SLC30A7: variants seen among roughly 807,000 people sequenced by gnomAD.
SLC30A7 encodes solute carrier family 30 member 7.
In SLC30A7, 35 loss-of-function variants were observed where a neutral mutation model predicts 46.0. That is an observed-to-expected ratio of 0.76 (90% CI 0.58 to 1.01). The LOEUF (loss-of-function observed/expected upper bound fraction) is 1.01. Among genes scored for constraint, SLC30A7 ranks in the 50% least tolerant of loss-of-function variants. The pLI is 0.00. For synonymous variants in SLC30A7, 147 were observed against 157.8 expected (o/e 0.93, Z 0.51); for missense variants, 464 against 451.1 (o/e 1.03, Z -0.26).
Position 100,979,915 on chromosome 1 carries a change from T to G in SLC30A7, c.*5058T>G, listed in dbSNP as rs542146055. ...AGCTGTAGCAGATCTCAATACACTCTCCTATAAAATTAGTGAATAATCACC... is the reference window on the plus strand; with the variant it reads ...AGCTGTAGCAGATCTCAATACACTCGCCTATAAAATTAGTGAATAATCACC... On this transcript the variant is annotated 3_prime_UTR_variant, in exon 11 of 11. Transcript: ENST00000357650. 1 of 152,088 alleles carries G rather than the reference T, an allele frequency of 6.6e-6. No individual in the cohort carries two copies. Among genetic ancestry groups the G allele is most frequent in the Non-Finnish European group, 1.5e-5 (1 of 67,950 alleles). 9.4% of individuals were successfully genotyped at this position (152,088 alleles called of 1,614,324 possible).
At chr1:100,907,928 A>G (rs1187871357) in intron 3 of SLC30A7, among the ~76,000 whole-genome samples, 2 of 149,112 alleles carry the variant, frequency 1.3e-5, no homozygotes, top group Non-Finnish European at 3.0e-5. Context: ...GTCCCCCTAT[A>G]CCTTTCCTGT....
intron 8 of SLC30A7, among the ~76,000 whole-genome samples, chr1:100,956,147 A>G (rs989384761): frequency 5.9e-5 from 9 of 152,132 alleles, no homozygotes; most frequent in Admixed American, 2.6e-4. Flanking sequence ...ATCAGTGATG[A>G]TGTCTTATAA....
Position 100,913,801 on chromosome 1 carries a change from C to G in SLC30A7, c.650C>G (p.Ser217Cys), listed in dbSNP as rs1177678720. 1 of 1,613,688 alleles carries G rather than the reference C, an allele frequency of 6.2e-7. No individual in the cohort carries two copies. Among genetic ancestry groups the G allele is most frequent in the Non-Finnish European group, 8.5e-7 (1 of 1,179,808 alleles). ...DHAHGHGHFH[S>C]HDGPSLKETT... ...GCTCATGGACATGGACACTTTCATTCTCATGGTGAGTACAGCCTAGAGACA... is the reference window on the plus strand; with the variant it reads ...GCTCATGGACATGGACACTTTCATTGTCATGGTGAGTACAGCCTAGAGACA... The change falls in exon 6 of 11, where the codon TCT (serine) becomes TGT (cysteine). Residue 217 changes from serine to cysteine, a missense_variant. Coordinates refer to ENST00000357650, the MANE Select transcript of SLC30A7 (RefSeq NM_133496.5).
In SLC30A7 at chr1:100,963,089, C is replaced by T. The variant is rs909619257; in HGVS notation, c.933+1171C>T. 2.0e-5 allele frequency among the ~76,000 whole-genome samples: 3 copies of T among 152,222 alleles called. No homozygotes were observed. The East Asian group carries it at 5.8e-4, about 29-fold the overall frequency. On this transcript the variant is annotated intron_variant, in intron 9 of 10. Coordinates refer to ENST00000357650, the MANE Select transcript of SLC30A7 (RefSeq NM_133496.5). The stretch of plus-strand genomic sequence containing the variant: ...TACTATACTTCTAGGAGAAATGTTA[C>T]TTAAGTAGTTGGATATGAAAATCTT...
chr1:100,985,715 AAT>A (rs1657226815), downstream of SLC30A7, among the ~76,000 whole-genome samples: 1 of 152,166 alleles, frequency 6.6e-6, no homozygotes, highest in Non-Finnish European at 1.5e-5. Context: ...GAAAAAAAAA[AAT>A]GAGTGTGGAT....
At chr1:100,918,823 AGCTGCCGCCTGCTGTT>A (rs201005607) in intron 7 of SLC30A7, among the ~76,000 whole-genome samples, 2,029 of 152,236 alleles carry the variant, frequency 0.013, 28 homozygotes, top group Middle Eastern at 0.031. Context: ...GCTGACTGGG[AGCTGCCGCCTGCTGTT>A]GCTGCCCAGC....
At chr1:100,966,619 G>A (rs1027445418) in intron 10 of SLC30A7, among the ~76,000 whole-genome samples, 23 of 150,984 alleles carry the variant, frequency 1.5e-4, no homozygotes, top group African/African-American at 5.4e-4. Flanking sequence ...TTTTTTTTCC[G>A]AACACAGACA....
chr1:100,940,886 T>C (rs1297684589), intron 8 of SLC30A7: 2 of 315,458 alleles, frequency 6.3e-6, no homozygotes, highest in Non-Finnish European at 1.2e-5. Context: ...GTCTAAAACA[T>C]GTCTTCTTTG....
At chr1:100,923,536 G>C (rs1653092413) in intron 8 of SLC30A7, among the ~76,000 whole-genome samples, 1 of 152,176 alleles carries the variant, frequency 6.6e-6, no homozygotes, top group South Asian at 2.1e-4. Context: ...CCAGCATTTT[G>C]GGAGGCTGAG....
chr1:100,988,101 A>T, the SLC30A7 span, among the ~76,000 whole-genome samples: 3 of 151,152 alleles, frequency 2.0e-5, no homozygotes, highest in Admixed American at 2.0e-4. Flanking sequence ...GCACGGTTTG[A>T]GAGTTAGCTA....
At chr1:100,990,584 C>T in the SLC30A7 span, 105 of 1,614,002 alleles carry the variant, frequency 6.5e-5, no homozygotes, top group Middle Eastern at 1.6e-4. Flanking sequence ...TTCTGGTCGT[C>T]GGCTCCAACC....
chr1:100,921,910 G>A (rs1315800906), intron 8 of SLC30A7, 69 bp downstream of exon 8: 2 of 1,241,650 alleles, frequency 1.6e-6, no homozygotes, highest in Non-Finnish European at 2.2e-6. Flanking sequence ...TAAATTATAG[G>A]TCTAAAATAC....
intron 8 of SLC30A7, among the ~76,000 whole-genome samples, chr1:100,955,760 C>G (rs1210246438): frequency 1.3e-5 from 2 of 152,100 alleles, no homozygotes; most frequent in Non-Finnish European, 2.9e-5. Flanking sequence ...TTTTAAAAGG[C>G]AAAAACTAGA....
rs561793744 is a variant in SLC30A7 at position 100,908,061 on chromosome 1, C to T, written c.296+1096C>T. 6.6e-5 allele frequency among the ~76,000 whole-genome samples: 10 copies of T among 151,960 alleles called. No individual in the cohort carries two copies. The South Asian group carries it at 2.1e-3, about 32-fold the overall frequency. On this transcript the variant is annotated intron_variant, in intron 3 of 10. Coordinates refer to ENST00000357650, the MANE Select transcript of SLC30A7 (RefSeq NM_133496.5). Reference sequence around the variant, plus strand: ...TCTATTTCTTTTTTGTCTCCCTTTCCAAGTCTCTCTTTCCTTCCTTCACTG... The same window carrying T: ...TCTATTTCTTTTTTGTCTCCCTTTCTAAGTCTCTCTTTCCTTCCTTCACTG...
intron 8 of SLC30A7, among the ~76,000 whole-genome samples, chr1:100,956,816 C>T (rs1191013881): frequency 1.3e-5 from 2 of 152,068 alleles, no homozygotes; most frequent in African/African-American, 4.8e-5. Flanking sequence ...TATCAACATA[C>T]CAATTAAGAA....
chr1:100,915,154 CCTTCCTCA>C (rs1652404110), intron 6 of SLC30A7, among the ~76,000 whole-genome samples: 1 of 151,360 alleles, frequency 6.6e-6, no homozygotes, highest in South Asian at 2.1e-4. Flanking sequence ...TCCCTCCCTC[CCTTCCTCA>C]CTTCTTTTCT....
In SLC30A7 at chr1:100,896,394, G is replaced by A. The variant is rs777915752; in HGVS notation, c.80+52G>A. On this transcript the variant is annotated intron_variant, in intron 1 of 10. Transcript: ENST00000357650. ...GGGGTGTCCGGCAGAAAGGGAGAAG[G>A]CCCAGACCTCAGGATGGCCCGAGGT... is the stretch of plus-strand genomic sequence containing the variant. 8.8e-6 allele frequency: 14 copies of A among 1,590,506 alleles called. 1 individual carries two copies. Among genetic ancestry groups the A allele is most frequent in the Middle Eastern group, 3.3e-4 (2 of 6,040 alleles).
chr1:100,902,169 T>C (rs1651349060), intron 2 of SLC30A7, among the ~76,000 whole-genome samples: 2 of 152,288 alleles, frequency 1.3e-5, no homozygotes, highest in South Asian at 4.1e-4. Flanking sequence ...AGGGAAAAGA[T>C]CTCATATTGC....
chr1:100,966,058 C>T (rs928969182), intron 10 of SLC30A7, 140 bp downstream of exon 10: 4 of 691,140 alleles, frequency 5.8e-6, no homozygotes, highest in Non-Finnish European at 9.4e-6. Flanking sequence ...TAGTGAGACC[C>T]CGTCTCTACA....
Sources: allele counts gnomAD v4.1 joint callset (sites outside exome capture counted in the v4.1 genomes callset), GRCh38; gene constraint gnomAD v4.1.1; transcripts MANE v1.5; gene names NCBI Gene and HGNC (gene_info 2026-07-23, HGNC 2026-07-21).